Variants in FAM53A observed in about 807,000 individuals in gnomAD.
FAM53A encodes protein FAM53A.
A neutral mutation model predicts 26.6 loss-of-function variants in FAM53A; 28 were observed. That is an observed-to-expected ratio of 1.05 (90% CI 0.78 to 1.45). The LOEUF (loss-of-function observed/expected upper bound fraction) is 1.45, where lower values mean the gene tolerates loss of function less well. FAM53A is among the 40% of genes most tolerant of loss of function. The pLI is 0.00. For missense variants in FAM53A, 650 were observed against 575.8 expected (o/e 1.13, Z -1.32); for synonymous variants, 290 against 253.1 (o/e 1.15, Z -1.38).
chr4:1,645,285 C>CGT (rs574290519), intron 4 of FAM53A, among the ~76,000 whole-genome samples: 13 of 152,364 alleles, frequency 8.5e-5, no homozygotes, highest in African/African-American at 3.1e-4. Context: ...GAGCAAGCTC[C>CGT]GTGCGTGTGT....
the FAM53A span, among the ~76,000 whole-genome samples, chr4:1,605,320 G>C: frequency 6.6e-6 from 1 of 152,126 alleles, no homozygotes; most frequent in African/African-American, 2.4e-5. This position sits in a 1 kb window ranked among gnomAD's most constrained non-coding sequence, Gnocchi z 5.7. Flanking sequence ...CATGTGGCTG[G>C]GGCTTCCTCA....
At position 1,630,825 on chromosome 4, in the gene FAM53A, G is replaced by C. The variant is rs762301338; in HGVS notation, c.432-12714C>G. Among the ~76,000 whole-genome samples, 1 of 152,186 alleles carries C rather than the reference G, an allele frequency of 6.6e-6. No homozygotes were observed. The highest frequency in any genetic ancestry group is 6.5e-5 in the Admixed American group (1 of 15,274). On this transcript the variant is annotated intron_variant, in intron 1 of 1. Coordinates refer to the FAM53A transcript ENST00000489029. The surrounding 1 kb of genome is among the most constrained non-coding windows in gnomAD (Gnocchi z 4.3). ...TGGGATAAAATGGTTTGGAACCAGA[G>C]AGAGGCGGTGTCTGCACCATCTCAC... is the stretch of plus-strand genomic sequence containing the variant.
intron 4 of FAM53A, among the ~76,000 whole-genome samples, chr4:1,651,532 T>TA (rs34037321): frequency 0.022 from 3,169 of 145,336 alleles, 56 homozygotes; most frequent in Admixed American, 0.055. Flanking sequence ...AATTCTGTCT[T>TA]AAAAAAAAAA....
chr4:1,583,415 C>T, the FAM53A span, among the ~76,000 whole-genome samples: 6 of 152,346 alleles, frequency 3.9e-5, no homozygotes, highest in African/African-American at 1.2e-4. Flanking sequence ...AGAGGAGTCT[C>T]GTGTCTCCCT....
the FAM53A span, among the ~76,000 whole-genome samples, chr4:1,602,063 T>C: frequency 6.6e-6 from 1 of 150,708 alleles, no homozygotes; most frequent in African/African-American, 2.5e-5. Flanking sequence ...ACGGTGGGTG[T>C]CACCTTGGCG....
chr4:1,580,551 G>GGGCCCCACCTCCCGCCCTA, the FAM53A span, among the ~76,000 whole-genome samples: 2 of 27,968 alleles, frequency 7.2e-5, no homozygotes, highest in Non-Finnish European at 1.5e-4. Flanking sequence ...TCAGGGAGCC[G>GGGCCCCACCTCCCGCCCTA]GGCCCCACCT....
chr4:1,684,493 T>G (rs929702387), upstream of FAM53A, among the ~76,000 whole-genome samples: 4 of 149,700 alleles, frequency 2.7e-5, no homozygotes, highest in Non-Finnish European at 5.9e-5. Context: ...GCCCACCGAG[T>G]CCGCAGCGCG....
the FAM53A span, among the ~76,000 whole-genome samples, chr4:1,604,139 C>T: frequency 1.3e-5 from 2 of 152,208 alleles, no homozygotes; most frequent in African/African-American, 4.8e-5. Context: ...GTGGACAGGA[C>T]CCGAGGAAAG....
chr4:1,650,161 T>TTGAC (rs1712636183), intron 4 of FAM53A, among the ~76,000 whole-genome samples: 4 of 117,378 alleles, frequency 3.4e-5, no homozygotes, highest in Admixed American at 8.6e-5. Flanking sequence ...GGCGTGGTGT[T>TTGAC]TGTGAGGTGG....
Position 1,655,065 on chromosome 4 carries a change from G to C in FAM53A, c.795C>G (p.Leu265=), listed in dbSNP as rs763054637. 7.5e-6 allele frequency: 12 copies of C among 1,600,322 alleles called. No homozygotes were observed. In the South Asian group the frequency reaches 9.0e-5, roughly 12 times the overall value. Residue 265 remains leucine, a synonymous_variant, in exon 4 of 5, where the codon CTC becomes CTG. Transcript: ENST00000308132. ...GTTTGCGCCGGCTCCTCTTCCCACT[G>C]AGCACGCAAGGCTGTGAGCGGCACC... ...LLRCRSQPCV[L]SGKRSRRKRR... is the part of the protein sequence containing the mutation.
chr4:1,577,197 C>A, the FAM53A span, among the ~76,000 whole-genome samples: 2 of 152,190 alleles, frequency 1.3e-5, no homozygotes, highest in East Asian at 3.8e-4. Context: ...GGCACACTCA[C>A]TGGGACACTG....
At position 1,655,147 on chromosome 4, in the gene FAM53A, C is replaced by T. The variant is rs1316854561; in HGVS notation, c.713G>A (p.Trp238Ter). 2.5e-6 allele frequency: 4 copies of T among 1,585,464 alleles called. No homozygotes were observed. The highest frequency in any genetic ancestry group is 1.4e-5 in the African/African-American group (1 of 73,860). The change falls in exon 4 of 5, where the codon TGG (tryptophan) becomes TAG (stop). Residue 238 changes from tryptophan (W) to a stop codon, truncating the protein, a stop_gained. Coordinates refer to ENST00000308132, the MANE Select transcript of FAM53A (RefSeq NM_001174070.3). LOFTEE classifies it high-confidence loss of function. ...CGTGGACGTGGGGCTGCTGCTGGCC[C>T]AGGGCAGGGGAGTGCCCGCACCCGC... is the stretch of plus-strand genomic sequence containing the variant. ...RLAGAGTPLPWASSSPTSTPA... is the reference protein window; with the variant it reads ...RLAGAGTPLP
intron 4 of FAM53A, among the ~76,000 whole-genome samples, chr4:1,643,053 C>T (rs954572886): frequency 2.0e-5 from 3 of 152,248 alleles, no homozygotes; most frequent in African/African-American, 7.2e-5. Context: ...AGCAAGGAAA[C>T]ACCCCACAGA....
rs531096369 is a variant in FAM53A, at chr4:1,673,831, T to TG, written c.-164-4927dup. ...CCCAGCAGTGTCAAGGCAGCAGCTC[T>TG]GGCACGCGGGAGGCGCATGCAGCGC... On this transcript the variant is annotated intron_variant, in intron 1 of 4. Coordinates refer to ENST00000308132, the MANE Select transcript of FAM53A (RefSeq NM_001174070.3). 1.2e-4 allele frequency among the ~76,000 whole-genome samples: 19 copies of TG among 152,380 alleles called. No individual in the cohort carries two copies. The East Asian group carries it at 3.5e-3, about 28-fold the overall frequency.
At chr4:1,587,312 C>A in the FAM53A span, among the ~76,000 whole-genome samples, 1 of 152,132 alleles carries the variant, frequency 6.6e-6, no homozygotes, top group African/African-American at 2.4e-5. Context: ...AAAATCATTA[C>A]CCAGACCAAT....
the FAM53A span, among the ~76,000 whole-genome samples, chr4:1,585,276 CTT>C: frequency 0.034 from 2,594 of 75,526 alleles, 31 homozygotes; most frequent in African/African-American, 0.075. Context: ...CTCTCTCTCT[CTT>C]TTTTTTTTTT....
chr4:1,643,954 A>T (rs1160563075), intron 4 of FAM53A, among the ~76,000 whole-genome samples: 1 of 152,210 alleles, frequency 6.6e-6, no homozygotes, highest in African/African-American at 2.4e-5. Flanking sequence ...AATCAAAGTG[A>T]ATTTGCCCAT....
At chr4:1,661,311 C>T (rs187845121) in intron 2 of FAM53A, among the ~76,000 whole-genome samples, 11 of 152,144 alleles carry the variant, frequency 7.2e-5, no homozygotes, top group Non-Finnish European at 1.0e-4. Context: ...CAGCTCCACC[C>T]GGAGGTCACA....
At chr4:1,657,927 C>CCG (rs1220780079) in intron 2 of FAM53A, among the ~76,000 whole-genome samples, 3 of 152,092 alleles carry the variant, frequency 2.0e-5, no homozygotes, top group Non-Finnish European at 4.4e-5. Flanking sequence ...GCATGAGCCA[C>CCG]CACGCCCGGC....
Sources: allele counts gnomAD v4.1 joint callset (sites outside exome capture counted in the v4.1 genomes callset), GRCh38; gene constraint gnomAD v4.1.1; non-coding constraint Gnocchi (gnomAD v3.1); transcripts MANE v1.5; gene names NCBI Gene and HGNC (gene_info 2026-07-23, HGNC 2026-07-21).